GABPA: variants seen among roughly 807,000 people sequenced by gnomAD.
GABPA encodes the protein GA binding protein transcription factor subunit alpha, also known as GA-binding protein alpha chain.
Under a neutral mutation model 59.4 loss-of-function variants are expected in GABPA, and 4 were observed. The ratio of observed to expected loss-of-function variants is 0.07; its 90% CI spans 0.03 to 0.15. The LOEUF (loss-of-function observed/expected upper bound fraction) is 0.15. GABPA is among the 10% of genes least tolerant of loss of function. GABPA has a pLI of 1.00. For synonymous variants in GABPA, 164 were observed against 183.1 expected (o/e 0.90, Z 0.84); for missense variants, 251 against 543.8 (o/e 0.46, Z 5.36).
At chr21:25,749,258 A>C (rs1483666761) in intron 4 of GABPA, 138 bp downstream of exon 4, 1 of 614,854 alleles carries the variant, frequency 1.6e-6, no homozygotes, top group East Asian at 2.8e-5. Flanking sequence ...CTTTGGGTTT[A>C]GTAGTTTTAT....
intron 7 of GABPA, 48 bp downstream of exon 7, chr21:25,762,413 A>G: frequency 7.8e-7 from 1 of 1,289,224 alleles, no homozygotes; most frequent in South Asian, 1.4e-5. Context: ...AGAAATGTTT[A>G]TTTGATACCG....
At chr21:25,743,536 CG>C (rs1285325350) in intron 2 of GABPA, among the ~76,000 whole-genome samples, 1 of 149,852 alleles carries the variant, frequency 6.7e-6, no homozygotes, top group Non-Finnish European at 1.5e-5. Context: ...GTTCACCTAA[CG>C]TAGATTTTTG....
At chr21:25,744,000 C>T (rs527541009) in intron 2 of GABPA, among the ~76,000 whole-genome samples, 1 of 145,928 alleles carries the variant, frequency 6.9e-6, no homozygotes, top group African/African-American at 2.6e-5. Context: ...GCCAAGATCG[C>T]GCCACTGCAC....
At chr21:25,744,086 G>A (rs1384897382) in intron 2 of GABPA, among the ~76,000 whole-genome samples, 4 of 148,534 alleles carry the variant, frequency 2.7e-5, no homozygotes. Flanking sequence ...TAGCTGAAGA[G>A]TTTGGTAAAA....
chr21:25,745,576 G>GT (rs1568941615), intron 3 of GABPA, among the ~76,000 whole-genome samples: 1 of 152,134 alleles, frequency 6.6e-6, no homozygotes, highest in Non-Finnish European at 1.5e-5. Flanking sequence ...TGAAACATTT[G>GT]TTTTTTACTT....
In GABPA at chr21:25,765,564, C is replaced by T. The variant is rs117041686; in HGVS notation, c.1136+777C>T. The stretch of plus-strand genomic sequence containing the variant: ...TTGGTTCAGCGAGTATTCATTGTTA[C>T]AGTATTACGGCCATGTAACTATTAT... On this transcript the variant is annotated intron_variant, in intron 9 of 9. Transcript: ENST00000400075. Among the ~76,000 whole-genome samples, 814 of 151,980 alleles carry T rather than the reference C, an allele frequency of 5.4e-3. 15 individuals carry two copies. Among genetic ancestry groups the T allele is most frequent in the Non-Finnish European group, 4.3e-3 (293 of 67,904 alleles).
chr21:25,752,355 C>A, intron 5 of GABPA, 121 bp downstream of exon 5: 1 of 1,014,434 alleles, frequency 9.9e-7, no homozygotes. Flanking sequence ...TGTTGATTTT[C>A]TGTATCTCTC....
intron 5 of GABPA, among the ~76,000 whole-genome samples, 150 bp from the exon 6 acceptor site, chr21:25,757,849 ATTTTTTTTTTT>A (rs60518912): frequency 2.8e-5 from 3 of 108,734 alleles, no homozygotes; most frequent in South Asian, 3.1e-4. Context: ...TTACAGCATA[ATTTTTTTTTTT>A]TTTTTTTTTT....
intron 5 of GABPA, among the ~76,000 whole-genome samples, chr21:25,754,286 A>G (rs1458064858): frequency 6.6e-6 from 1 of 152,202 alleles, no homozygotes; most frequent in Non-Finnish European, 1.5e-5. Context: ...AATGGTCTGC[A>G]TTGTATTTCT....
chr21:25,745,058 G>T, intron 2 of GABPA, 152 bp from the exon 3 acceptor site: 9 of 723,328 alleles, frequency 1.2e-5, no homozygotes, highest in Non-Finnish European at 1.6e-5. Flanking sequence ...GGCAACACTA[G>T]TTGGTGATGA....
chr21:25,762,717 C>T (rs935961842), intron 7 of GABPA, among the ~76,000 whole-genome samples: 1 of 152,082 alleles, frequency 6.6e-6, no homozygotes, highest in Non-Finnish European at 1.5e-5. Context: ...TAGGTAGCAT[C>T]CAATTGAAAT....
At chr21:25,755,326 C>T (rs1453535367) in intron 5 of GABPA, among the ~76,000 whole-genome samples, 1 of 151,326 alleles carries the variant, frequency 6.6e-6, no homozygotes, top group Non-Finnish European at 1.5e-5. Flanking sequence ...ACACCAATAT[C>T]CTAGGAGGCT....
intron 6 of GABPA, among the ~76,000 whole-genome samples, chr21:25,761,616 A>G (rs1346323907): frequency 6.6e-6 from 1 of 152,206 alleles, no homozygotes; most frequent in African/African-American, 2.4e-5. Context: ...TGTGATGGGC[A>G]CAAAGTAGGC....
intron 2 of GABPA, among the ~76,000 whole-genome samples, chr21:25,742,761 A>T (rs1272013885): frequency 7.1e-3 from 1 of 140 alleles, no homozygotes. Context: ...AAAACATACA[A>T]AAAAAAAAAA....
At chr21:25,745,410 T>G in intron 3 of GABPA, 56 bp downstream of exon 3, 1 of 1,529,826 alleles carries the variant, frequency 6.5e-7, no homozygotes, top group Non-Finnish European at 9.0e-7. Flanking sequence ...ATAGGAATAT[T>G]TTTTGTTAGC....
chr21:25,765,528 A>G (rs1423000824), intron 9 of GABPA, among the ~76,000 whole-genome samples: 1 of 151,920 alleles, frequency 6.6e-6, no homozygotes, highest in Non-Finnish European at 1.5e-5. Context: ...CAATATAATT[A>G]TATGGAAATT....
chr21:25,752,670 T>A (rs574549641), intron 5 of GABPA, among the ~76,000 whole-genome samples: 8 of 152,258 alleles, frequency 5.3e-5, no homozygotes, highest in African/African-American at 1.7e-4. Context: ...CAGGAAATGT[T>A]ATGTGCAAAG....
Position 25,735,351 on chromosome 21 carries a change from G to A in GABPA, c.-254G>A. 4.5e-6 allele frequency: 1 copy of A among 224,522 alleles called. No homozygotes were observed. Among genetic ancestry groups the A allele is most frequent in the Non-Finnish European group, 9.0e-6 (1 of 110,946 alleles). The allele number at this position is 224,522 out of a possible 1,614,324, so 13.9% of individuals were successfully genotyped here. A position where few individuals can be genotyped will look rare whatever the true frequency, so the allele number is the denominator to read the frequency against. ...CCGTTGCCTTGGGCGGTCGTTTTGC[G>A]CACCCTGCCGGGAGTTGTAGTCCTG... On this transcript the variant is annotated 5_prime_UTR_variant, in exon 1 of 10. Transcript: ENST00000400075.
intron 1 of GABPA, among the ~76,000 whole-genome samples, chr21:25,741,086 A>G (rs2035209181): frequency 6.6e-6 from 1 of 152,174 alleles, no homozygotes; most frequent in African/African-American, 2.4e-5. Context: ...AGGTTAATAA[A>G]CACCAGTTTT....
Sources: allele counts gnomAD v4.1 joint callset (sites outside exome capture counted in the v4.1 genomes callset), GRCh38; gene constraint gnomAD v4.1.1; transcripts MANE v1.5; gene names NCBI Gene and HGNC (gene_info 2026-07-23, HGNC 2026-07-21).